ADAMTS2: variants seen among roughly 807,000 people sequenced by gnomAD.
ADAMTS2 encodes A disintegrin and metalloproteinase with thrombospondin motifs 2.
ADAMTS2 carries 50 observed loss-of-function variants against 123.0 expected under a neutral mutation model. That is an observed-to-expected ratio of 0.41 (90% CI 0.32 to 0.51). The LOEUF is 0.51. ADAMTS2 is among the 20% of genes least tolerant of loss of function. ADAMTS2 has a pLI of 0.35. For synonymous variants in ADAMTS2, 678 were observed against 695.4 expected (o/e 0.98, Z 0.39); for missense variants, 1,494 against 1,705.2 (o/e 0.88, Z 2.18).
intron 3 of ADAMTS2, among the ~76,000 whole-genome samples, chr5:179,264,161 G>T (rs1174846625): frequency 1.3e-5 from 2 of 152,130 alleles, no homozygotes; most frequent in African/African-American, 4.8e-5. Flanking sequence ...GGTACCCAAC[G>T]CCTCTCACCT....
At chr5:179,116,980 C>T (rs889609026) in intron 21 of ADAMTS2, among the ~76,000 whole-genome samples, 1 of 152,154 alleles carries the variant, frequency 6.6e-6, no homozygotes, top group Non-Finnish European at 1.5e-5. Context: ...GAAATCAAAT[C>T]GGAAGATCCT....
chr5:179,315,508 C>T (rs1290966803), intron 2 of ADAMTS2, among the ~76,000 whole-genome samples: 2 of 152,360 alleles, frequency 1.3e-5, no homozygotes, highest in East Asian at 1.9e-4. Context: ...GTCCCGCTCA[C>T]GAGGAGAAGC....
rs558700794 is a variant in ADAMTS2, at chr5:179,132,667, G to C, written c.2209+110C>G. On this transcript the variant is annotated intron_variant, in intron 14 of 21. Transcript: ENST00000251582. This position sits in a 1 kb window ranked among gnomAD's most constrained non-coding sequence, Gnocchi z 6.1. ...TGTCACAGACCTCTCCCCCTCCCCA[G>C]AACAGTCATAAGCCCGGACAGCCCC... 3.0e-6 allele frequency: 4 copies of C among 1,323,422 alleles called. No homozygotes were observed. Among genetic ancestry groups the C allele is most frequent in the Admixed American group, 3.8e-5 (2 of 53,080 alleles). 82.0% of individuals were successfully genotyped at this position (1,323,422 alleles called of 1,614,324 possible).
At chr5:179,266,558 C>T (rs1766377304) in intron 3 of ADAMTS2, among the ~76,000 whole-genome samples, 1 of 152,206 alleles carries the variant, frequency 6.6e-6, no homozygotes, top group Non-Finnish European at 1.5e-5. Flanking sequence ...GATCTTAGCC[C>T]CTAAAATCCT....
intron 3 of ADAMTS2, among the ~76,000 whole-genome samples, chr5:179,223,371 AAC>A (rs1765176427): frequency 7.9e-6 from 1 of 126,560 alleles, no homozygotes; most frequent in African/African-American, 3.0e-5. Flanking sequence ...GACACTCACA[AAC>A]ACGCACACAC....
At chr5:179,198,696 T>C (rs1189420896) in intron 4 of ADAMTS2, among the ~76,000 whole-genome samples, 1 of 152,064 alleles carries the variant, frequency 6.6e-6, no homozygotes, top group Non-Finnish European at 1.5e-5. Context: ...TAGCCAGGCA[T>C]GGCGGCACGT....
At position 179,125,065 on chromosome 5, in the gene ADAMTS2, C is replaced by T. The variant is rs375191740; in HGVS notation, c.2866G>A (p.Ala956Thr). Residue 956 changes from alanine (A) to threonine (T), a missense_variant, in exon 19 of 22, where the codon GCC (alanine) becomes ACC (threonine). Ala to Thr is a moderately conservative substitution (Grantham distance 58). Coordinates refer to ENST00000251582, the MANE Select transcript of ADAMTS2 (RefSeq NM_014244.5). ...LHDNTTRSVH[A>T]KHCNDARPES... ...GGCCGGGCGTCATTGCAGTGCTTGG[C>T]GTGCACGGAGCGGGTGGTGTTGTCG... 17 of 1,610,324 alleles carry T rather than the reference C, an allele frequency of 1.1e-5. No individual in the cohort carries two copies. In the African/African-American group the frequency reaches 1.1e-4, roughly 10 times the overall value.
intron 5 of ADAMTS2, among the ~76,000 whole-genome samples, chr5:179,159,759 G>A (rs954995523): frequency 6.6e-6 from 1 of 152,192 alleles, no homozygotes; most frequent in Non-Finnish European, 1.5e-5. Flanking sequence ...AGCTTGCCCA[G>A]GTCATGAAAC....
At chr5:179,224,495 C>T (rs937767480) in intron 3 of ADAMTS2, among the ~76,000 whole-genome samples, 13 of 152,240 alleles carry the variant, frequency 8.5e-5, no homozygotes, top group Non-Finnish European at 1.9e-4. Flanking sequence ...GAAATATACT[C>T]TCCCAATTTT....
intron 2 of ADAMTS2, among the ~76,000 whole-genome samples, chr5:179,316,633 C>T (rs1034661082): frequency 9.8e-5 from 15 of 152,318 alleles, no homozygotes; most frequent in Middle Eastern, 3.4e-3. Context: ...AGAGCAGGCA[C>T]GGAGAACTGC....
At chr5:179,237,310 C>A (rs1212602201) in intron 3 of ADAMTS2, among the ~76,000 whole-genome samples, 6 of 152,112 alleles carry the variant, frequency 3.9e-5, no homozygotes, top group African/African-American at 1.4e-4. Context: ...AAAGAGGCCC[C>A]AGAGAGCTCT....
intron 5 of ADAMTS2, among the ~76,000 whole-genome samples, chr5:179,165,215 C>T (rs536848042): frequency 6.6e-6 from 1 of 152,298 alleles, no homozygotes; most frequent in African/African-American, 2.4e-5. Context: ...ATGCAGGAGG[C>T]CAGATGGGTC....
In ADAMTS2 at chr5:179,114,138, G is replaced by A. The variant is rs1211342851; in HGVS notation, c.3365C>T (p.Thr1122Ile). 7 of 1,613,874 alleles carry A rather than the reference G, an allele frequency of 4.3e-6. No homozygotes were observed. The Admixed American group carries it at 5.0e-5, about 12-fold the overall frequency. ...CATGGCTACAGTGGGCACTGGGAGGGTAGGCATGAACACGTCAATGTCGTT... is the reference window on the plus strand; with the variant it reads ...CATGGCTACAGTGGGCACTGGGAGGATAGGCATGAACACGTCAATGTCGTT... Reference protein sequence around the residue: ...KHNDIDVFMPTLPVPTVAMEV... With the variant: ...KHNDIDVFMPILPVPTVAMEV... Residue 1122 changes from threonine (T) to isoleucine (I), a missense_variant, in exon 22 of 22, where the codon ACC becomes ATC. By Grantham distance (89) the Thr-to-Ile change is moderately conservative. Around this residue, in one of 6 missense-constraint regions of ADAMTS2, gnomAD observed 953 missense variants for 1,124.7 expected, o/e 0.85. Transcript: ENST00000251582.
rs982395752 is a variant in ADAMTS2, at chr5:179,247,373, A to G, written c.688+25538T>C. Among the ~76,000 whole-genome samples the G allele has an allele frequency of 1.1e-4, 17 of 152,014 alleles. 1 individual carries two copies. Among genetic ancestry groups the G allele is most frequent in the African/African-American group, 3.9e-4 (16 of 41,440 alleles). On this transcript the variant is annotated intron_variant, in intron 3 of 21. Transcript: ENST00000251582. ...AAGGAAAAAGAATGAGGAAAAAGGA[A>G]CAGAACCTAAGAGATCAAGTACACC... is the stretch of plus-strand genomic sequence containing the variant.
At chr5:179,206,629 C>T (rs1764705030) in intron 4 of ADAMTS2, among the ~76,000 whole-genome samples, 1 of 152,220 alleles carries the variant, frequency 6.6e-6, no homozygotes, top group Admixed American at 6.5e-5. Context: ...CCTTCTCACC[C>T]CCTTCTTTTC....
At chr5:179,284,607 G>A (rs558480238) in intron 2 of ADAMTS2, among the ~76,000 whole-genome samples, 35 of 152,156 alleles carry the variant, frequency 2.3e-4, no homozygotes, top group East Asian at 7.8e-4. Flanking sequence ...GGCTGGTCTC[G>A]AACTCCTGAC....
Position 179,344,109 on chromosome 5 carries a change from A to G in ADAMTS2, c.192T>C (p.Thr64=), listed in dbSNP as rs1276616753. Residue 64 remains threonine, a synonymous_variant, in exon 2 of 22, where the codon ACT becomes ACC. Coordinates refer to ENST00000251582, the MANE Select transcript of ADAMTS2 (RefSeq NM_014244.5). ...AERILAVPVR[T]DAQGRLVSHV... is the part of the protein sequence containing the mutation. Reference sequence around the variant, plus strand: ...GGGACACCAAGCGGCCCTGGGCGTCAGTGCGCACGGGCACCGCCAGGATGC... The same window carrying G: ...GGGACACCAAGCGGCCCTGGGCGTCGGTGCGCACGGGCACCGCCAGGATGC... 6.2e-7 allele frequency: 1 copy of G among 1,608,650 alleles called. No individual in the cohort carries two copies. Among genetic ancestry groups the G allele is most frequent in the African/African-American group, 1.3e-5 (1 of 74,944 alleles).
intron 3 of ADAMTS2, among the ~76,000 whole-genome samples, chr5:179,270,180 A>C (rs1234496173): frequency 6.6e-6 from 1 of 152,138 alleles, no homozygotes; most frequent in Non-Finnish European, 1.5e-5. Context: ...CTATTAGTGA[A>C]AATGATTCCC....
At chr5:179,275,805 G>A (rs1018980742) in intron 2 of ADAMTS2, among the ~76,000 whole-genome samples, 11 of 152,234 alleles carry the variant, frequency 7.2e-5, no homozygotes, top group African/African-American at 2.2e-4. Flanking sequence ...GTGAGAGAAC[G>A]AATTCCTGCT....
Sources: allele counts gnomAD v4.1 joint callset (sites outside exome capture counted in the v4.1 genomes callset), GRCh38; gene constraint gnomAD v4.1.1; regional missense constraint gnomAD v4.1.1; non-coding constraint Gnocchi (gnomAD v3.1); transcripts MANE v1.5; gene names NCBI Gene and HGNC (gene_info 2026-07-23, HGNC 2026-07-21).